The following USH2A variants were observed in gnomAD, a reference collection of about 807,000 sequenced individuals.
USH2A encodes the protein usherin.
In USH2A, 443 loss-of-function variants were observed where a neutral mutation model predicts 538.9. The ratio of observed to expected loss-of-function variants is 0.82; its 90% confidence interval spans 0.76 to 0.89. The LOEUF (loss-of-function observed/expected upper bound fraction) is 0.89. Among genes scored for constraint, USH2A ranks in the 40% least tolerant of loss-of-function variants. USH2A has a pLI of 0.00. For missense variants in USH2A, 6,633 were observed against 6,324.8 expected, an observed-to-expected ratio of 1.05 and a Z score of -1.65; for synonymous variants, 2,413 against 2,273.5, an observed-to-expected ratio of 1.06 and a Z score of -1.75.
intron 37 of USH2A, among the ~76,000 whole-genome samples, chr1:215,962,876 C>T (rs943843263): frequency 3.9e-5 from 6 of 152,036 alleles, no homozygotes; most frequent in South Asian, 4.1e-4. Context: ...CTTGTTGTTA[C>T]GAAACCTAAT....
chr1:216,267,137 A>T (rs1433243746), intron 11 of USH2A, among the ~76,000 whole-genome samples: 1 of 152,092 alleles, frequency 6.6e-6, no homozygotes, highest in Non-Finnish European at 1.5e-5. Context: ...GCACAGAAAA[A>T]GGATACAGAA....
intron 38 of USH2A, among the ~76,000 whole-genome samples, chr1:215,913,269 A>G (rs986239052): frequency 2.6e-5 from 4 of 152,124 alleles, no homozygotes; most frequent in Non-Finnish European, 5.9e-5. Context: ...CAAGACTGGC[A>G]TCAAACAAAT....
At chr1:215,986,879 C>T (rs901527891) in intron 35 of USH2A, among the ~76,000 whole-genome samples, 10 of 152,268 alleles carry the variant, frequency 6.6e-5, no homozygotes, top group African/African-American at 2.4e-4. Flanking sequence ...TGCCAAAGGC[C>T]AGGACTAGGG....
chr1:215,898,120 G>A (rs1044237406), intron 40 of USH2A, among the ~76,000 whole-genome samples: 6 of 152,172 alleles, frequency 3.9e-5, no homozygotes, highest in Non-Finnish European at 7.3e-5. Context: ...TCTTTGCTAT[G>A]TATGTGACTT....
intron 11 of USH2A, among the ~76,000 whole-genome samples, chr1:216,278,124 C>G (rs1188371196): frequency 6.6e-6 from 1 of 152,116 alleles, no homozygotes; most frequent in African/African-American, 2.4e-5. Context: ...AATGCTTCTG[C>G]TAGTGCTATT....
chr1:215,802,342 G>A (rs911843761), intron 49 of USH2A, among the ~76,000 whole-genome samples: 1 of 151,910 alleles, frequency 6.6e-6, no homozygotes, highest in Non-Finnish European at 1.5e-5. Flanking sequence ...CAACTCATGA[G>A]AAAATATATT....
intron 71 of USH2A, among the ~76,000 whole-genome samples, chr1:215,627,417 C>T (rs866305128): frequency 3.8e-4 from 43 of 113,860 alleles, no homozygotes; most frequent in Admixed American, 1.5e-3. Context: ...TCCTTCCTTC[C>T]TTCCTTCCTT....
chr1:216,364,309 C>A (rs1209943412), intron 4 of USH2A, among the ~76,000 whole-genome samples: 1 of 151,910 alleles, frequency 6.6e-6, no homozygotes, highest in African/African-American at 2.4e-5. Flanking sequence ...AATGCAAACC[C>A]CTCAGAAAAG....
chr1:215,642,653 T>C (rs1426749116), intron 67 of USH2A, among the ~76,000 whole-genome samples: 1 of 152,210 alleles, frequency 6.6e-6, no homozygotes, highest in African/African-American at 2.4e-5. Context: ...TACTACCGTC[T>C]GTGTGCTCGA....
intron 37 of USH2A, among the ~76,000 whole-genome samples, chr1:215,952,984 A>G (rs1402160201): frequency 6.6e-6 from 1 of 152,194 alleles, no homozygotes; most frequent in East Asian, 1.9e-4. Context: ...AGAGAATAAA[A>G]TACCTAGGAA....
intron 32 of USH2A, among the ~76,000 whole-genome samples, chr1:216,018,811 T>TATTATC (rs1553290234): frequency 6.6e-6 from 1 of 151,714 alleles, no homozygotes; most frequent in Non-Finnish European, 1.5e-5. Flanking sequence ...TTATTATTAT[T>TATTATC]ATTATCTCTG....
intron 3 of USH2A, among the ~76,000 whole-genome samples, chr1:216,405,793 G>A (rs1482780047): frequency 6.6e-6 from 1 of 152,166 alleles, no homozygotes; most frequent in Non-Finnish European, 1.5e-5. Context: ...CCTTCAATGG[G>A]TGAAGGGTTA....
intron 12 of USH2A, among the ~76,000 whole-genome samples, chr1:216,249,888 GA>G (rs2036126166): frequency 1.3e-5 from 2 of 152,212 alleles, no homozygotes; most frequent in Admixed American, 1.3e-4. Flanking sequence ...GAGAGAGAGA[GA>G]GAGAGAGGAG....
Position 216,313,982 on chromosome 1 carries a change from T to C in USH2A, c.1644+7901A>G, listed in dbSNP as rs533158940. Among the ~76,000 whole-genome samples, 8 of 152,310 alleles carry C rather than the reference T, an allele frequency of 5.3e-5. No homozygotes were observed. In the South Asian group the frequency reaches 1.7e-3, roughly 32 times the overall value. On this transcript the variant is annotated intron_variant, in intron 9 of 71. Coordinates refer to ENST00000307340, the MANE Select transcript of USH2A (RefSeq NM_206933.4). ...CTTTGGTGATTATCAGATTTCTGTCTTTCTGGCTGCTTGGTCTTTGGTGAT... is the reference window on the plus strand; with the variant it reads ...CTTTGGTGATTATCAGATTTCTGTCCTTCTGGCTGCTTGGTCTTTGGTGAT...
chr1:216,321,203 A>G (rs2037601908), intron 9 of USH2A, among the ~76,000 whole-genome samples: 1 of 152,084 alleles, frequency 6.6e-6, no homozygotes, highest in Non-Finnish European at 1.5e-5. Context: ...TATTGGTATA[A>G]TTGTTACTGC....
intron 21 of USH2A, among the ~76,000 whole-genome samples, chr1:216,119,486 C>T (rs1331036183): frequency 6.6e-6 from 1 of 151,504 alleles, no homozygotes; most frequent in African/African-American, 2.4e-5. Flanking sequence ...TAATATAATA[C>T]TAAATGTAAA....
intron 4 of USH2A, among the ~76,000 whole-genome samples, chr1:216,355,315 G>GAAAGAAAGAAAGAAAGAAAGAA (rs1558051783): frequency 2.8e-5 from 1 of 36,222 alleles, no homozygotes. Context: ...CAAAAAGAAA[G>GAAAGAAAGAAAGAAAGAAAGAA]AAAGAAAGAA....
At chr1:215,647,281 A>G (rs1448744192) in intron 67 of USH2A, among the ~76,000 whole-genome samples, 1 of 152,142 alleles carries the variant, frequency 6.6e-6, no homozygotes, top group Non-Finnish European at 1.5e-5. Flanking sequence ...AACTTCCCCT[A>G]AATTTATTTT....
chr1:215,651,722 A>G (rs1657086742), intron 64 of USH2A, among the ~76,000 whole-genome samples: 1 of 152,094 alleles, frequency 6.6e-6, no homozygotes, highest in Non-Finnish European at 1.5e-5. Context: ...GGGGAAAAAA[A>G]GAAAAAACCT....
Sources: gnomAD v4.1 joint callset for allele counts (sites outside exome capture counted in the v4.1 genomes callset) on GRCh38, gnomAD v4.1.1 for gene constraint, MANE v1.5 for transcripts, NCBI Gene and HGNC (gene_info 2026-07-23, HGNC 2026-07-21) for gene names.